TTC8: variants seen among roughly 807,000 people sequenced by gnomAD.
TTC8 encodes the protein tetratricopeptide repeat protein 8.
In TTC8, 47 loss-of-function variants were observed where a neutral mutation model predicts 72.5. The observed-to-expected ratio is 0.65, with a 90% confidence interval of 0.51 to 0.83. The LOEUF is 0.83. TTC8 is among the 40% of genes least tolerant of loss of function. The probability of loss-of-function intolerance (pLI) is 0.00; values close to 1 mark genes in which losing one functional copy is unlikely to be tolerated. For missense variants in TTC8, 611 were observed against 623.2 expected (o/e 0.98, Z 0.21); for synonymous variants, 199 against 221.4 (o/e 0.90, Z 0.90).
At chr14:88,879,651 CATTATTATTATTATTATTATTATTATT>C (rs71130023), downstream of TTC8, 2 of 141,174 alleles carry the variant, frequency 1.4e-5, no homozygotes, top group South Asian at 4.7e-4. Context: ...CGTGTCACTA[CATTATTATTATTATTATTATTATTATT>C]ATTATTATTA....
chr14:88,850,355 A>G (rs907429137), intron 7 of TTC8, among the ~76,000 whole-genome samples: 6 of 152,170 alleles, frequency 3.9e-5, no homozygotes, highest in Admixed American at 3.9e-4. Context: ...GATGTAAAAG[A>G]GGATTATCTG....
chr14:88,864,530 C>T (rs888920846), intron 10 of TTC8, among the ~76,000 whole-genome samples: 5 of 152,188 alleles, frequency 3.3e-5, no homozygotes, highest in Admixed American at 2.0e-4. Context: ...CCTTCCAAGC[C>T]TCTGTTACAG....
chr14:88,857,231 C>T lies in TTC8; in HGVS notation c.752C>T (p.Ala251Val). Residue 251 changes from alanine to valine, a missense_variant, in exon 9 of 15, where the codon GCC (alanine) becomes GTC (valine). Physicochemically the swap from Ala to Val is moderately conservative, Grantham distance 64 (BLOSUM62 0). Coordinates refer to ENST00000380656, the MANE Select transcript of TTC8 (RefSeq NM_144596.4). ...GAAGCAGAAAAACAGTTTAAATCAG[C>T]CCTGAAGCAGCAGGAAATGGTAGAT... The part of the protein sequence containing the change: ...YREAEKQFKS[A>V]LKQQEMVDTF... 2 of 1,613,802 alleles carry T rather than the reference C, an allele frequency of 1.2e-6. No homozygotes were observed. Among genetic ancestry groups the T allele is most frequent in the Non-Finnish European group, 1.7e-6 (2 of 1,179,900 alleles).
chr14:88,825,828 G>A (rs2094697118), intron 1 of TTC8, among the ~76,000 whole-genome samples: 1 of 152,182 alleles, frequency 6.6e-6, no homozygotes, highest in African/African-American at 2.4e-5. Context: ...AACCTGCTGA[G>A]ATGAACATTT....
Position 88,824,785 on chromosome 14 carries a change from A to G in TTC8, c.78A>G (p.Leu26=). The change falls in exon 1 of 15, where the codon CTA becomes CTG. Residue 26 remains leucine, a synonymous_variant. Transcript: ENST00000380656. ...GGAAGTTCCAGCTCTGCGCCGATCT[A>G]TGCACGCAGATGCTGGAGAAGTCCC... The part of the protein sequence containing the change: ...RRRKFQLCAD[L]CTQMLEKSPY... 5 of 1,613,374 alleles carry G rather than the reference A, an allele frequency of 3.1e-6. No homozygotes were observed. The highest frequency in any genetic ancestry group is 1.7e-4 in the Middle Eastern group (1 of 6,054).
At position 88,824,683 on chromosome 14, in the gene TTC8, G is replaced by A. The variant is rs7145692; in HGVS notation, c.-25G>A. 1.5e-3 allele frequency: 2,330 copies of A among 1,571,366 alleles called. 9 individuals carry two copies. Among genetic ancestry groups the A allele is most frequent in the Middle Eastern group, 8.9e-3 (45 of 5,042 alleles). ...GCCCACCTCTCTCCTGGAGCGCTGG[G>A]CCTTCGCTGGCCGCACCGGCAGCCA... On this transcript the variant is annotated 5_prime_UTR_variant, in exon 1 of 15. Coordinates refer to ENST00000380656, the MANE Select transcript of TTC8 (RefSeq NM_144596.4).
intron 2 of TTC8, among the ~76,000 whole-genome samples, chr14:88,838,035 A>G (rs2094761280): frequency 6.6e-6 from 1 of 152,222 alleles, no homozygotes. Flanking sequence ...GCCAAAAGCC[A>G]ATCATCTAAC....
chr14:88,844,147 GTGT>G (rs976245403), intron 7 of TTC8, among the ~76,000 whole-genome samples: 16 of 152,236 alleles, frequency 1.1e-4, no homozygotes, highest in African/African-American at 3.4e-4. Context: ...TATGCTAATG[GTGT>G]TGTTGATCTG....
chr14:88,866,415 G>A (rs79616303), intron 10 of TTC8, among the ~76,000 whole-genome samples: 38 of 99,712 alleles, frequency 3.8e-4, no homozygotes, highest in Admixed American at 1.1e-3. Flanking sequence ...ACACACACAC[G>A]CACACACAAA....
chr14:88,830,220 GA>G (rs1348290456), intron 1 of TTC8, among the ~76,000 whole-genome samples: 1 of 152,180 alleles, frequency 6.6e-6, no homozygotes, highest in East Asian at 1.9e-4. Flanking sequence ...TAAAGTAACA[GA>G]AACAAGCTAA....
At chr14:88,875,184 A>G (rs1281806359) in intron 14 of TTC8, 75 bp downstream of exon 14, 3 of 1,309,266 alleles carry the variant, frequency 2.3e-6, no homozygotes, top group East Asian at 4.7e-5. Flanking sequence ...GTACAAATAA[A>G]TGAGGAAATT....
At chr14:88,864,174 G>A (rs2094899998) in intron 10 of TTC8, among the ~76,000 whole-genome samples, 1 of 152,100 alleles carries the variant, frequency 6.6e-6, no homozygotes, top group Non-Finnish European at 1.5e-5. Flanking sequence ...TAATAAACAT[G>A]TATTACTTTC....
chr14:88,847,781 A>G lies in TTC8; in HGVS notation c.624+3931A>G, dbSNP rs1330919409. Among the ~76,000 whole-genome samples, 5 of 152,268 alleles carry G rather than the reference A, an allele frequency of 3.3e-5. No individual in the cohort carries two copies. The East Asian group carries it at 9.7e-4, about 29-fold the overall frequency. ...TAAAAGGGCAATAGAAGGGGGAATT[A>G]TGTACATGAAGCATGATTTTGAAAT... On this transcript the variant is annotated intron_variant, in intron 7 of 14. Coordinates refer to ENST00000380656, the MANE Select transcript of TTC8 (RefSeq NM_144596.4).
At chr14:88,878,765 TG>T (rs2094965677), downstream of TTC8, 1 of 152,244 alleles carries the variant, frequency 6.6e-6, no homozygotes, top group Middle Eastern at 3.2e-3. Context: ...CTAATAAGAA[TG>T]GCTGAACATT....
chr14:88,849,865 C>T lies in TTC8; in HGVS notation c.625-3106C>T, dbSNP rs80258603. The stretch of plus-strand genomic sequence containing the variant: ...CCTTTTTGGACAATATTGTTGGTAT[C>T]GACAAAACTAAAGTGGCATGTGGGT... On this transcript the variant is annotated intron_variant, in intron 7 of 14. Coordinates refer to ENST00000380656, the MANE Select transcript of TTC8 (RefSeq NM_144596.4). 2.2e-4 allele frequency among the ~76,000 whole-genome samples: 34 copies of T among 152,264 alleles called. No individual in the cohort carries two copies. The East Asian group carries it at 5.4e-3, about 24-fold the overall frequency.
intron 3 of TTC8, 68 bp from the exon 4 acceptor site, chr14:88,840,797 G>A (rs2094776569): frequency 7.9e-6 from 12 of 1,510,608 alleles, no homozygotes; most frequent in African/African-American, 2.8e-5. Flanking sequence ...TCTGAAAATT[G>A]TATTAGCTTA....
At chr14:88,856,984 C>A (rs922988200) in intron 8 of TTC8, among the ~76,000 whole-genome samples, 2 of 152,170 alleles carry the variant, frequency 1.3e-5, no homozygotes, top group African/African-American at 4.8e-5. Flanking sequence ...CTTTACATAC[C>A]ATTTGGGGGT....
In TTC8 at chr14:88,841,416, C is replaced by A. The variant is rs770386094; in HGVS notation, c.490-9C>A. On this transcript the variant is annotated splice_polypyrimidine_tract_variant and intron_variant, in intron 5 of 14. Transcript: ENST00000380656. The stretch of plus-strand genomic sequence containing the variant: ...TCAGATCTCTTGGTCTATTGTTTTT[C>A]CTCTGTAGGCTTCCATGCTTACAAG... 2.2e-5 allele frequency: 35 copies of A among 1,613,200 alleles called. No individual in the cohort carries two copies. The highest frequency in any genetic ancestry group is 2.8e-5 in the Non-Finnish European group (33 of 1,179,426).
chr14:88,827,512 A>G (rs1298652420), intron 1 of TTC8, among the ~76,000 whole-genome samples: 1 of 152,138 alleles, frequency 6.6e-6, no homozygotes, highest in African/African-American at 2.4e-5. Flanking sequence ...AATGAGTAGC[A>G]TTTTACCAGG....
Sources: allele counts gnomAD v4.1 joint callset (sites outside exome capture counted in the v4.1 genomes callset), GRCh38; gene constraint gnomAD v4.1.1; transcripts MANE v1.5; gene names NCBI Gene and HGNC (gene_info 2026-07-23, HGNC 2026-07-21).